NCOA7: variants seen among roughly 807,000 people sequenced by gnomAD.
NCOA7 encodes the protein 140 kDa estrogen receptor-associated protein.
NCOA7 carries 45 observed loss-of-function variants against 104.3 expected under a neutral mutation model. The ratio of observed to expected loss-of-function variants is 0.43; its 90% CI spans 0.34 to 0.55. The LOEUF is 0.55. NCOA7 is among the 20% of genes least tolerant of loss of function. The probability of loss-of-function intolerance (pLI) is 0.02; values close to 1 mark genes in which losing one functional copy is unlikely to be tolerated. For synonymous variants in NCOA7, 398 were observed against 402.3 expected, an observed-to-expected ratio of 0.99 and a Z score of 0.13; for missense variants, 1,041 against 1,119.7, an observed-to-expected ratio of 0.93 and a Z score of 1.00.
intron 1 of NCOA7, among the ~76,000 whole-genome samples, chr6:125,808,781 A>T (rs1776693992): frequency 6.6e-6 from 1 of 152,202 alleles, no homozygotes; most frequent in Non-Finnish European, 1.5e-5. Context: ...TCTCATTTGC[A>T]TGTTCTTTTC....
At chr6:125,892,578 G>A (rs1356328271) in intron 10 of NCOA7, among the ~76,000 whole-genome samples, 1 of 152,120 alleles carries the variant, frequency 6.6e-6, no homozygotes, top group Non-Finnish European at 1.5e-5. Flanking sequence ...GGAGGCTGAG[G>A]CACGAGAATC....
At position 125,885,281 on chromosome 6, in the gene NCOA7, G is replaced by A. The variant is rs1308244911; in HGVS notation, c.822G>A (p.Glu274=). The stretch of plus-strand genomic sequence containing the variant: ...ATGGTCTCATCTGCCCCATGGAAGA[G>A]GTTGTTTCCATTGCGCTCTACAATG... ...EEYGLICPME[E]VVSIALYNDI... The change falls in exon 8 of 16, where the codon GAG becomes GAA. Residue 274 remains glutamate, a synonymous_variant. Coordinates refer to ENST00000392477, the MANE Select transcript of NCOA7 (RefSeq NM_181782.5). 1.2e-6 allele frequency: 2 copies of A among 1,613,912 alleles called. No individual in the cohort carries two copies. The highest frequency in any genetic ancestry group is 1.7e-6 in the Non-Finnish European group (2 of 1,179,944).
chr6:125,794,093 C>G, intron 1 of NCOA7, among the ~76,000 whole-genome samples: 1 of 152,120 alleles, frequency 6.6e-6, no homozygotes, highest in South Asian at 2.1e-4. Context: ...ATCCTTAACA[C>G]CCCCCCATAT....
chr6:125,827,250 A>G (rs1778752461), intron 2 of NCOA7, among the ~76,000 whole-genome samples: 1 of 150,710 alleles, frequency 6.6e-6, no homozygotes, highest in Admixed American at 6.6e-5. Flanking sequence ...GGCCAAACTC[A>G]CTTTTATAAA....
chr6:125,815,173 C>A, intron 1 of NCOA7, 118 bp from the exon 2 acceptor site: 1 of 416,516 alleles, frequency 2.4e-6, no homozygotes, highest in Non-Finnish European at 4.3e-6. Context: ...GTGACTGTTT[C>A]CTGGTTAAAG....
intron 10 of NCOA7, among the ~76,000 whole-genome samples, chr6:125,897,102 A>G (rs1413740478): frequency 6.6e-6 from 1 of 152,246 alleles, no homozygotes; most frequent in Non-Finnish European, 1.5e-5. Context: ...AAAAATGAGT[A>G]ACGTATACAT....
intron 1 of NCOA7, among the ~76,000 whole-genome samples, chr6:125,783,756 A>T (rs565331314): frequency 6.6e-6 from 1 of 152,226 alleles, no homozygotes; most frequent in Non-Finnish European, 1.5e-5. Context: ...TAACATCTTC[A>T]TGCATATATC....
chr6:125,799,443 C>CT lies in NCOA7; in HGVS notation c.-65+8392dup, dbSNP rs35143077. ...TGGCTTACTTTATTGCTTAGTTGTT[C>CT]TTTTTTTTTTTTTTTTGATAGAATC... On this transcript the variant is annotated intron_variant, in intron 1 of 15. Coordinates refer to ENST00000392477, the MANE Select transcript of NCOA7 (RefSeq NM_181782.5). 7.3e-3 allele frequency among the ~76,000 whole-genome samples: 1,013 copies of CT among 138,002 alleles called. 6 individuals carry two copies. The highest frequency in any genetic ancestry group is 9.8e-3 in the Non-Finnish European group (621 of 63,182). 90.5% of individuals were successfully genotyped at this position (138,002 alleles called of 152,430 possible).
At chr6:125,797,632 GCT>G (rs1277676401) in intron 1 of NCOA7, among the ~76,000 whole-genome samples, 1 of 152,190 alleles carries the variant, frequency 6.6e-6, no homozygotes, top group Non-Finnish European at 1.5e-5. Flanking sequence ...AAGTGAGAGT[GCT>G]CTGAGTAGCA....
intron 10 of NCOA7, among the ~76,000 whole-genome samples, chr6:125,904,704 G>A (rs1785812142): frequency 6.6e-6 from 1 of 152,198 alleles, no homozygotes; most frequent in Non-Finnish European, 1.5e-5. Context: ...GAGCCAGAAT[G>A]GACACTGGCT....
intron 2 of NCOA7, among the ~76,000 whole-genome samples, chr6:125,832,785 A>G (rs1284673770): frequency 1.3e-5 from 2 of 152,212 alleles, no homozygotes; most frequent in Non-Finnish European, 2.9e-5. Flanking sequence ...GTGCTGCTAC[A>G]AAGTGGATGT....
chr6:125,920,885 T>A, intron 11 of NCOA7, 58 bp from the exon 12 acceptor site: 2 of 1,588,166 alleles, frequency 1.3e-6, no homozygotes, highest in Non-Finnish European at 1.7e-6. Flanking sequence ...ATTTTTTAAA[T>A]TAGCAGTTAG....
chr6:125,913,014 G>GAT (rs908879123), intron 10 of NCOA7, among the ~76,000 whole-genome samples: 8 of 151,956 alleles, frequency 5.3e-5, no homozygotes, highest in Non-Finnish European at 1.0e-4. Context: ...TTTAAAGATA[G>GAT]ATATATATAC....
Position 125,830,737 on chromosome 6 carries a change from A to ATGTGTG in NCOA7, c.50+15351_50+15356dup, listed in dbSNP as rs890797445. 7.8e-3 allele frequency among the ~76,000 whole-genome samples: 725 copies of ATGTGTG among 92,952 alleles called. 3 individuals carry two copies. The highest frequency in any genetic ancestry group is 0.014 in the African/African-American group (327 of 22,648). 61.0% of individuals were successfully genotyped at this position (92,952 alleles called of 152,430 possible). A position where few individuals can be genotyped will look rare whatever the true frequency, so the allele number is the denominator to read the frequency against. On this transcript the variant is annotated intron_variant, in intron 2 of 15. Coordinates refer to ENST00000392477, the MANE Select transcript of NCOA7 (RefSeq NM_181782.5). The stretch of plus-strand genomic sequence containing the variant: ...CTATATATTTTATATATATATATAT[A>ATGTGTG]TGTGTGTGTGTGTGTGTGTGTGTAT...
In NCOA7 at chr6:125,930,671, C is replaced by G. The variant is rs1352484015; in HGVS notation, c.*1900C>G. 1.3e-5 allele frequency: 2 copies of G among 152,292 alleles called. No individual in the cohort carries two copies. Among genetic ancestry groups the G allele is most frequent in the East Asian group, 1.9e-4 (1 of 5,194 alleles). The allele number at this position is 152,292 out of a possible 1,614,324, so 9.4% of individuals were successfully genotyped here. On this transcript the variant is annotated 3_prime_UTR_variant, in exon 16 of 16. Transcript: ENST00000392477. Reference sequence around the variant, plus strand: ...TCCTGTCAGATCAACAATTATTATACTCCTTAATTCCATGCAAATTTAAAT... The same window carrying G: ...TCCTGTCAGATCAACAATTATTATAGTCCTTAATTCCATGCAAATTTAAAT...
At chr6:125,879,383 A>T (rs1397694070) in intron 5 of NCOA7, among the ~76,000 whole-genome samples, 2 of 152,218 alleles carry the variant, frequency 1.3e-5, no homozygotes, top group Non-Finnish European at 2.9e-5. Context: ...GAATTCTGCT[A>T]ACTAATGATG....
At chr6:125,871,364 C>T (rs555318777) in intron 3 of NCOA7, among the ~76,000 whole-genome samples, 2 of 152,348 alleles carry the variant, frequency 1.3e-5, no homozygotes, top group East Asian at 1.9e-4. Context: ...GCCAGAAGCA[C>T]CTCCAGTGCT....
intron 7 of NCOA7, among the ~76,000 whole-genome samples, 165 bp from the exon 8 acceptor site, chr6:125,884,994 C>T (rs566256970): frequency 1.3e-5 from 2 of 152,320 alleles, no homozygotes; most frequent in South Asian, 4.1e-4. Flanking sequence ...CATTGCATTT[C>T]TTCAGCCTGT....
intron 4 of NCOA7, among the ~76,000 whole-genome samples, chr6:125,877,757 A>G (rs1446638408): frequency 6.6e-6 from 1 of 152,224 alleles, no homozygotes; most frequent in Non-Finnish European, 1.5e-5. Context: ...CACAGTATTC[A>G]TTCATCAACT....
Sources: allele counts gnomAD v4.1 joint callset (sites outside exome capture counted in the v4.1 genomes callset), GRCh38; gene constraint gnomAD v4.1.1; transcripts MANE v1.5; gene names NCBI Gene and HGNC (gene_info 2026-07-23, HGNC 2026-07-21).